The following UBE2N variants were observed in gnomAD, a reference collection of about 807,000 sequenced individuals.
The protein encoded by UBE2N is ubiquitin conjugating enzyme E2 N.
For missense variants in UBE2N, 60 were observed against 192.1 expected, an observed-to-expected ratio of 0.31 and a Z score of 4.07; for synonymous variants, 70 against 69.2, an observed-to-expected ratio of 1.01 and a Z score of -0.06.
intron 1 of UBE2N, among the ~76,000 whole-genome samples, chr12:93,429,832 A>AT (rs1878705157): frequency 6.6e-6 from 1 of 152,176 alleles, no homozygotes; most frequent in African/African-American, 2.4e-5. Flanking sequence ...AAGAAAATAT[A>AT]TTTTTGCACA....
chr12:93,422,291 T>C (rs1878438579), intron 1 of UBE2N, among the ~76,000 whole-genome samples: 1 of 152,198 alleles, frequency 6.6e-6, no homozygotes, highest in Non-Finnish European at 1.5e-5. Flanking sequence ...ACATAACACT[T>C]CATTGCCTGA....
At chr12:93,429,452 C>T (rs1878692192) in intron 1 of UBE2N, 1 of 278,532 alleles carries the variant, frequency 3.6e-6, no homozygotes, top group South Asian at 3.3e-5. Context: ...ATCAACTGCA[C>T]AAAAGACAGT....
rs796700362 is a variant in UBE2N at position 93,414,834 on chromosome 12, CT to C, written c.31-3536del. ...GCACTACTAACAAATCTCATTTCTA[CT>C]TATTTTGTTCAGAATTTAAGCTCCA... On this transcript the variant is annotated intron_variant, in intron 1 of 3. Transcript: ENST00000318066. Among the ~76,000 whole-genome samples, 11 of 152,294 alleles carry C rather than the reference CT, an allele frequency of 7.2e-5. No individual in the cohort carries two copies. In the South Asian group the frequency reaches 2.1e-3, roughly 29 times the overall value.
At chr12:93,410,493 A>G (rs1878001701) in intron 3 of UBE2N, 1 of 602,810 alleles carries the variant, frequency 1.7e-6, no homozygotes, top group South Asian at 2.2e-5. Context: ...TGCACTCAGT[A>G]TTTGTTAAAC....
chr12:93,441,769 G>T (rs569823556), intron 1 of UBE2N, 86 bp downstream of exon 1: 1 of 1,537,964 alleles, frequency 6.5e-7, no homozygotes, highest in Non-Finnish European at 8.8e-7. Context: ...CGGGCCGCGG[G>T]CCGAAGGAGG....
At position 93,406,666 on chromosome 12, in the gene UBE2N, T is replaced by C. The variant is rs997329760; in HGVS notation, c.*3373A>G. 2.0e-5 allele frequency: 3 copies of C among 152,228 alleles called. No individual in the cohort carries two copies. The highest frequency in any genetic ancestry group is 2.4e-5 in the African/African-American group (1 of 41,454). The allele number at this position is 152,228 out of a possible 1,614,324, so 9.4% of individuals were successfully genotyped here. A position where few individuals can be genotyped will look rare whatever the true frequency, so the allele number is the denominator to read the frequency against. The stretch of plus-strand genomic sequence containing the variant: ...ATTTTTGTCATTATTCCTTAAACAA[T>C]AGTGTAACTATTTACATAGCACTTA... On this transcript the variant is annotated 3_prime_UTR_variant, in exon 4 of 4. Transcript: ENST00000318066.
Position 93,434,074 on chromosome 12 carries a change from C to T in UBE2N, c.30+7781G>A, listed in dbSNP as rs1295331622. On this transcript the variant is annotated intron_variant, in intron 1 of 3. Transcript: ENST00000318066. ...TTAGGAGGCCGAGGTGGGTGGATCA[C>T]GAGGTCAGGAGATTGAAACCATCCT... Among the ~76,000 whole-genome samples, 6 of 152,222 alleles carry T rather than the reference C, an allele frequency of 3.9e-5. No individual in the cohort carries two copies. In the South Asian group the frequency reaches 8.3e-4, roughly 21 times the overall value.
intron 1 of UBE2N, among the ~76,000 whole-genome samples, chr12:93,423,273 A>T (rs919367022): frequency 1.3e-5 from 2 of 152,166 alleles, no homozygotes; most frequent in Admixed American, 6.5e-5. Context: ...TCTTAATATC[A>T]TTTCTGCTTA....
Position 93,441,840 on chromosome 12 carries a change from G to T in UBE2N, c.30+15C>A. On this transcript the variant is annotated intron_variant, in intron 1 of 3. Transcript: ENST00000318066. Reference sequence around the variant, plus strand: ...AGAGCAGAGCGAAGAGCTGGAGGCCGGCCTGGGCGGTTACCTTGATGATCC... The same window carrying T: ...AGAGCAGAGCGAAGAGCTGGAGGCCTGCCTGGGCGGTTACCTTGATGATCC... 1 of 1,578,924 alleles carries T rather than the reference G, an allele frequency of 6.3e-7. No homozygotes were observed. Among genetic ancestry groups the T allele is most frequent in the Non-Finnish European group, 8.6e-7 (1 of 1,165,294 alleles).
intron 1 of UBE2N, chr12:93,429,431 T>C (rs546875006): frequency 3.3e-6 from 1 of 300,704 alleles, no homozygotes; most frequent in South Asian, 2.9e-5. Flanking sequence ...CTGTATGAGT[T>C]TCAGTCAATG....
intron 1 of UBE2N, among the ~76,000 whole-genome samples, chr12:93,417,309 GTAGT>G (rs1271887262): frequency 2.6e-5 from 4 of 152,156 alleles, no homozygotes; most frequent in Admixed American, 6.5e-5. Context: ...AAACTATACT[GTAGT>G]TAGTCAATTA....
In UBE2N at chr12:93,408,147, G is replaced by C. The variant is rs1326509659; in HGVS notation, c.*1892C>G. 1 of 152,278 alleles carries C rather than the reference G, an allele frequency of 6.6e-6. No individual in the cohort carries two copies. Among genetic ancestry groups the C allele is most frequent in the East Asian group, 1.9e-4 (1 of 5,188 alleles). The allele number at this position is 152,278 out of a possible 1,614,324, so 9.4% of individuals were successfully genotyped here. ...GTTGATTTCTATTTCGTTTCTTGAA[G>C]TTTTGTGTGGTTCATTTTTAAAGTG... is the stretch of plus-strand genomic sequence containing the variant. On this transcript the variant is annotated 3_prime_UTR_variant, in exon 4 of 4. Transcript: ENST00000318066.
In UBE2N at chr12:93,441,837, G is replaced by A; in HGVS notation, c.30+18C>T. On this transcript the variant is annotated intron_variant, in intron 1 of 3. Transcript: ENST00000318066. ...ACGAGAGCAGAGCGAAGAGCTGGAGGCCGGCCTGGGCGGTTACCTTGATGA... is the reference window on the plus strand; with the variant it reads ...ACGAGAGCAGAGCGAAGAGCTGGAGACCGGCCTGGGCGGTTACCTTGATGA... The A allele has an allele frequency of 6.3e-7, 1 of 1,578,850 alleles. No individual in the cohort carries two copies. The highest frequency in any genetic ancestry group is 8.6e-7 in the Non-Finnish European group (1 of 1,165,246).
At chr12:93,412,391 G>A (rs955326033) in intron 1 of UBE2N, among the ~76,000 whole-genome samples, 1 of 152,150 alleles carries the variant, frequency 6.6e-6, no homozygotes, top group African/African-American at 2.4e-5. Flanking sequence ...TTTTTCTCCT[G>A]TATAGATGAA....
rs567266387 is a variant in UBE2N, at chr12:93,427,460, A to C, written c.30+14395T>G. On this transcript the variant is annotated intron_variant, in intron 1 of 3. Transcript: ENST00000318066. ...AGTACTAATACATGCTACAATATACATGAACCTTGAAAACATGCTAAATGA... is the reference window on the plus strand; with the variant it reads ...AGTACTAATACATGCTACAATATACCTGAACCTTGAAAACATGCTAAATGA... Among the ~76,000 whole-genome samples, 50 of 152,396 alleles carry C rather than the reference A, an allele frequency of 3.3e-4. 1 individual carries two copies. The South Asian group carries it at 7.5e-3, about 23-fold the overall frequency.
chr12:93,408,323 T>G lies in UBE2N; in HGVS notation c.*1716A>C, dbSNP rs1877926068. ...TAAGCTAACATTTGTTACCAAGCAA[T>G]GCATTTATTTGGAAGGATACCAGTT... On this transcript the variant is annotated 3_prime_UTR_variant, in exon 4 of 4. Coordinates refer to ENST00000318066, the MANE Select transcript of UBE2N (RefSeq NM_003348.4). 1.3e-5 allele frequency: 2 copies of G among 152,230 alleles called. No homozygotes were observed. The highest frequency in any genetic ancestry group is 1.5e-5 in the Non-Finnish European group (1 of 68,034). The allele number at this position is 152,230 out of a possible 1,614,324, so 9.4% of individuals were successfully genotyped here. A position where few individuals can be genotyped will look rare whatever the true frequency, so the allele number is the denominator to read the frequency against.
At chr12:93,420,853 G>A (rs1214352523) in intron 1 of UBE2N, among the ~76,000 whole-genome samples, 2 of 151,614 alleles carry the variant, frequency 1.3e-5, no homozygotes, top group Non-Finnish European at 2.9e-5. Flanking sequence ...CAATTCTTCT[G>A]CCCACTAAAC....
chr12:93,435,953 T>TG (rs1878922062), intron 1 of UBE2N, among the ~76,000 whole-genome samples: 1 of 152,072 alleles, frequency 6.6e-6, no homozygotes, highest in African/African-American at 2.4e-5. Context: ...AAGGGACCAG[T>TG]GGGGAAGGGA....
chr12:93,433,706 A>C (rs1878837162), intron 1 of UBE2N, among the ~76,000 whole-genome samples: 1 of 152,184 alleles, frequency 6.6e-6, no homozygotes. Context: ...CTATAATTGT[A>C]ATGTCAAAAG....
Sources: allele counts gnomAD v4.1 joint callset (sites outside exome capture counted in the v4.1 genomes callset), GRCh38; gene constraint gnomAD v4.1.1; transcripts MANE v1.5; gene names NCBI Gene and HGNC (gene_info 2026-07-23, HGNC 2026-07-21).